The following NEK3 variants were observed in gnomAD, a reference collection of about 807,000 sequenced individuals.
NEK3 encodes the protein serine/threonine-protein kinase Nek3.
Under a neutral mutation model 66.0 loss-of-function variants are expected in NEK3, and 54 were observed. That is an observed-to-expected ratio of 0.82 (90% CI 0.66 to 1.03). The LOEUF is 1.03. Ranked by LOEUF, NEK3 falls within the 50% of genes least tolerant of loss-of-function variation. The pLI, the probability that NEK3 is intolerant of heterozygous loss-of-function variation, is 0.00. For missense variants in NEK3, 593 were observed against 603.0 expected, an observed-to-expected ratio of 0.98 and a Z score of 0.17; for synonymous variants, 200 against 206.2, an observed-to-expected ratio of 0.97 and a Z score of 0.26.
intron 8 of NEK3, among the ~76,000 whole-genome samples, chr13:52,147,420 T>C (rs565123249): frequency 6.6e-6 from 1 of 152,272 alleles, no homozygotes; most frequent in Admixed American, 6.5e-5. Flanking sequence ...ATACACACAA[T>C]GGAATACTAT....
At chr13:52,149,911 C>T (rs1039454501) in intron 7 of NEK3, among the ~76,000 whole-genome samples, 5 of 151,786 alleles carry the variant, frequency 3.3e-5, no homozygotes, top group African/African-American at 1.2e-4. Context: ...CACTTCATCC[C>T]TACATACATC....
At chr13:52,141,872 G>A (rs1193464840) in intron 10 of NEK3, among the ~76,000 whole-genome samples, 2 of 150,994 alleles carry the variant, frequency 1.3e-5, no homozygotes, top group African/African-American at 4.9e-5. Context: ...CTGAGGTCAG[G>A]AGTTTGAGAC....
intron 8 of NEK3, 96 bp downstream of exon 8, chr13:52,148,319 T>C: frequency 8.5e-7 from 1 of 1,182,152 alleles, no homozygotes; most frequent in South Asian, 1.3e-5. Context: ...AATGACTTCA[T>C]CCTAGGGAAG....
At position 52,151,164 on chromosome 13, in the gene NEK3, AG is replaced by A. The variant is rs1566859809; in HGVS notation, c.529del (p.Leu177CysfsTer57). ...YYVPPEIWEN[L>X]PYNNKSDIWS... The stretch of plus-strand genomic sequence containing the variant: ...CACTCACCTTTTATTGTTATAAGGC[AG>A]GTTTTCCCAAATTTCTGGAGGCACA... On this transcript the variant is annotated frameshift_variant, in exon 7 of 16. Transcript: ENST00000610828. LOFTEE classifies it high-confidence loss of function. 6.2e-7 allele frequency: 1 copy of A among 1,609,000 alleles called. No individual in the cohort carries two copies. Among genetic ancestry groups the A allele is most frequent in the Non-Finnish European group, 8.5e-7 (1 of 1,177,780 alleles).
rs1248148321 is a variant in NEK3 at position 52,141,062 on chromosome 13, G to A, written c.885C>T (p.Pro295=). ...KHNTPRKKTN[P]SRIRIALGNE... is the part of the protein sequence containing the mutation. ...TTCCCAAAGCTATCCTGATTCTGCT[G>A]GGGTTTGCTTTTAAAAGAGAGAGAG... The change falls in exon 11 of 16, where the codon CCC becomes CCT. Residue 295 remains proline (P), a synonymous_variant. Transcript: ENST00000610828. 3 of 1,599,420 alleles carry A rather than the reference G, an allele frequency of 1.9e-6. No individual in the cohort carries two copies. The highest frequency in any genetic ancestry group is 8.5e-7 in the Non-Finnish European group (1 of 1,172,798).
intron 15 of NEK3, 74 bp downstream of exon 15, chr13:52,133,615 T>TCACACACACACACACA (rs3831081): frequency 1.2e-5 from 16 of 1,309,386 alleles, no homozygotes; most frequent in East Asian, 5.4e-5. Flanking sequence ...CTAATTTAAA[T>TCACACACACACACACA]CACACACACA....
Position 52,139,612 on chromosome 13 carries a change from AAGC to A in NEK3, c.927+1405_927+1407del, listed in dbSNP as rs569523429. 7.9e-5 allele frequency among the ~76,000 whole-genome samples: 12 copies of A among 152,266 alleles called. No homozygotes were observed. In the South Asian group the frequency reaches 2.3e-3, roughly 29 times the overall value. On this transcript the variant is annotated intron_variant, in intron 11 of 15. Transcript: ENST00000610828. Reference sequence around the variant, plus strand: ...TATTCTACCACCATAAAAAAACAAAAAGCAGGCCAGGTGTGGTGGCTCATGCCT... The same window carrying A: ...TATTCTACCACCATAAAAAAACAAAAAGGCCAGGTGTGGTGGCTCATGCCT...
At chr13:52,153,526 G>A (rs1469512349) in intron 4 of NEK3, among the ~76,000 whole-genome samples, 1 of 151,984 alleles carries the variant, frequency 6.6e-6, no homozygotes, top group African/African-American at 2.4e-5. Flanking sequence ...AAACAGAAAT[G>A]GCAAGCTTCA....
At chr13:52,143,749 A>G (rs1232519554) in intron 10 of NEK3, among the ~76,000 whole-genome samples, 166 bp downstream of exon 10, 2 of 152,352 alleles carry the variant, frequency 1.3e-5, no homozygotes, top group East Asian at 3.9e-4. Context: ...CAGGGATCAA[A>G]AAGTATTCAG....
chr13:52,132,875 G>T lies in NEK3; in HGVS notation c.*267C>A, dbSNP rs1041886340. On this transcript the variant is annotated 3_prime_UTR_variant, in exon 16 of 16. Coordinates refer to ENST00000610828, the MANE Select transcript of NEK3 (RefSeq NM_002498.3). ...CACACAAGTAGGTAGTGGCACGCTA[G>T]CATCCCATTTCTGTTCTATGGGACT... 22 of 363,688 alleles carry T rather than the reference G, an allele frequency of 6.0e-5. No individual in the cohort carries two copies. The Admixed American group carries it at 6.4e-4, about 11-fold the overall frequency. The allele number at this position is 363,688 out of a possible 1,614,324, so 22.5% of individuals were successfully genotyped here. A position where few individuals can be genotyped will look rare whatever the true frequency, so the allele number is the denominator to read the frequency against.
chr13:52,140,013 G>C (rs992313681), intron 11 of NEK3, among the ~76,000 whole-genome samples: 4 of 131,850 alleles, frequency 3.0e-5, no homozygotes, highest in African/African-American at 1.1e-4. Context: ...ACCAGCCCAG[G>C]TAACATAGCA....
At chr13:52,134,307 G>C (rs1956183802) in intron 14 of NEK3, among the ~76,000 whole-genome samples, 1 of 151,760 alleles carries the variant, frequency 6.6e-6, no homozygotes. Flanking sequence ...TTACAGGCGT[G>C]AGCCACCACA....
chr13:52,146,532 T>C (rs1409334881), intron 8 of NEK3, among the ~76,000 whole-genome samples: 1 of 152,192 alleles, frequency 6.6e-6, no homozygotes, highest in Non-Finnish European at 1.5e-5. Flanking sequence ...AAGAAGAACG[T>C]ATACATGTAA....
intron 11 of NEK3, among the ~76,000 whole-genome samples, chr13:52,140,811 A>C (rs938705695): frequency 1.1e-4 from 16 of 151,916 alleles, no homozygotes; most frequent in South Asian, 2.1e-4. Flanking sequence ...TAGATATTTC[A>C]TAAACGTATT....
intron 11 of NEK3, among the ~76,000 whole-genome samples, chr13:52,138,851 A>C (rs1956225900): frequency 6.6e-6 from 1 of 152,158 alleles, no homozygotes; most frequent in South Asian, 2.1e-4. Flanking sequence ...AGATCCCTTG[A>C]GCCCAGGAGG....
chr13:52,139,424 T>C (rs1594022577), intron 11 of NEK3, among the ~76,000 whole-genome samples: 1 of 152,076 alleles, frequency 6.6e-6, no homozygotes, highest in African/African-American at 2.4e-5. Context: ...GCTGCAGTGG[T>C]GGAAGAGGGA....
intron 1 of NEK3, among the ~76,000 whole-genome samples, chr13:52,158,022 C>A (rs1314981126): frequency 6.6e-6 from 1 of 152,202 alleles, no homozygotes; most frequent in Admixed American, 6.5e-5. Flanking sequence ...GGATTACAGG[C>A]ATGCGCCACC....
intron 14 of NEK3, among the ~76,000 whole-genome samples, 199 bp downstream of exon 14, chr13:52,135,530 A>T (rs1026859867): frequency 1.3e-5 from 2 of 152,156 alleles, no homozygotes. Context: ...GAGGAGGGAA[A>T]CCCTTTGAAT....
At chr13:52,159,268 G>T (rs1194282592) in intron 1 of NEK3, 1 of 152,168 alleles carries the variant, frequency 6.6e-6, no homozygotes, top group African/African-American at 2.4e-5. Context: ...CAACTGCACC[G>T]CGGGGGAGCC....
Sources: allele counts gnomAD v4.1 joint callset (sites outside exome capture counted in the v4.1 genomes callset), GRCh38; gene constraint gnomAD v4.1.1; transcripts MANE v1.5; gene names NCBI Gene and HGNC (gene_info 2026-07-23, HGNC 2026-07-21).